The following SRD5A3 variants were observed in gnomAD, a reference collection of about 807,000 sequenced individuals.
SRD5A3 encodes the protein steroid 5 alpha-reductase 3.
A neutral mutation model predicts 34.3 loss-of-function variants in SRD5A3; 24 were observed. The ratio of observed to expected loss-of-function variants is 0.70; its 90% confidence interval spans 0.51 to 0.99. The LOEUF (loss-of-function observed/expected upper bound fraction) is 0.99, where lower values mean the gene tolerates loss of function less well. Ranked by LOEUF, SRD5A3 falls within the 50% of genes least tolerant of loss-of-function variation. The pLI, the probability that SRD5A3 is intolerant of heterozygous loss-of-function variation, is 0.00. For missense variants in SRD5A3, 350 were observed against 388.2 expected, an observed-to-expected ratio of 0.90 and a Z score of 0.83; for synonymous variants, 161 against 167.3, an observed-to-expected ratio of 0.96 and a Z score of 0.29.
rs760083639 is a variant in SRD5A3, at chr4:55,363,959, A to G, written c.365-115A>G. 2.8e-4 allele frequency: 311 copies of G among 1,095,180 alleles called. 1 individual carries two copies. The highest frequency in any genetic ancestry group is 4.1e-4 in the Non-Finnish European group (293 of 712,254). The allele number at this position is 1,095,180 out of a possible 1,614,324, so 67.8% of individuals were successfully genotyped here. Reference sequence around the variant, plus strand: ...TCATTTGGCCCATTTCTTCCTTACTACCAAAAAGAAAGATGTTAGATGGGA... The same window carrying G: ...TCATTTGGCCCATTTCTTCCTTACTGCCAAAAAGAAAGATGTTAGATGGGA... On this transcript the variant is annotated intron_variant, in intron 2 of 4. Coordinates refer to ENST00000264228, the MANE Select transcript of SRD5A3 (RefSeq NM_024592.5).
intron 1 of SRD5A3, among the ~76,000 whole-genome samples, chr4:55,349,178 G>T (rs1453218588): frequency 6.6e-6 from 1 of 152,134 alleles, no homozygotes. Flanking sequence ...GGGACTAGAG[G>T]TGCACACCAC....
At chr4:55,363,248 C>T (rs888357492) in intron 2 of SRD5A3, among the ~76,000 whole-genome samples, 10 of 151,918 alleles carry the variant, frequency 6.6e-5, no homozygotes, top group South Asian at 4.2e-4. Flanking sequence ...GCCCGGAGTT[C>T]GAGACCAGCC....
intron 1 of SRD5A3, among the ~76,000 whole-genome samples, chr4:55,353,508 C>G (rs761133434): frequency 8.5e-5 from 13 of 152,192 alleles, no homozygotes; most frequent in Non-Finnish European, 1.6e-4. Flanking sequence ...AAGCTGGCCA[C>G]CCGAGCCAGC....
rs1008855109 is a variant in SRD5A3 at position 55,360,379 on chromosome 4, G to A, written c.364+891G>A. ...AAAATAGCTGGGTGTGGTGGCAGGC[G>A]CTTGTAATCCCAGCTACTCGGGAGG... On this transcript the variant is annotated intron_variant, in intron 2 of 4. Coordinates refer to ENST00000264228, the MANE Select transcript of SRD5A3 (RefSeq NM_024592.5). Among the ~76,000 whole-genome samples, 53 of 148,418 alleles carry A rather than the reference G, an allele frequency of 3.6e-4. No homozygotes were observed. In the Middle Eastern group the frequency reaches 0.011, roughly 31 times the overall value.
chr4:55,352,492 GA>G, intron 1 of SRD5A3: 1 of 609,966 alleles, frequency 1.6e-6, no homozygotes. Context: ...CCATGATGGA[GA>G]AATGGTGAGA....
At position 55,355,066 on chromosome 4, in the gene SRD5A3, G is replaced by T. The variant is rs144105106; in HGVS notation, c.222-4280G>T. 1.2e-3 allele frequency among the ~76,000 whole-genome samples: 179 copies of T among 152,350 alleles called. 1 individual carries two copies. Among genetic ancestry groups the T allele is most frequent in the African/African-American group, 4.0e-3 (166 of 41,578 alleles). On this transcript the variant is annotated intron_variant, in intron 1 of 4. Coordinates refer to ENST00000264228, the MANE Select transcript of SRD5A3 (RefSeq NM_024592.5). ...AGTGCCAAAGGAGGAAAAAAGGAGA[G>T]TGTCCAAAACAGAACGCAGTGAAGA...
At position 55,364,032 on chromosome 4, in the gene SRD5A3, C is replaced by T. The variant is rs975595993; in HGVS notation, c.365-42C>T. 1.9e-6 allele frequency: 3 copies of T among 1,603,310 alleles called. No homozygotes were observed. In the African/African-American group the frequency reaches 4.0e-5, roughly 21 times the overall value. On this transcript the variant is annotated intron_variant, in intron 2 of 4. Coordinates refer to ENST00000264228, the MANE Select transcript of SRD5A3 (RefSeq NM_024592.5). ...CAGAAAAACAAAACTTTGGATTAAT[C>T]CCAGAAGAGAAATGCTGACCCTGTT...
At position 55,346,335 on chromosome 4, in the gene SRD5A3, C is replaced by T. The variant is rs1403426866; in HGVS notation, c.-2C>T. The T allele has an allele frequency of 5.4e-6, 8 of 1,483,402 alleles. No individual in the cohort carries two copies. The highest frequency in any genetic ancestry group is 5.9e-5 in the East Asian group (2 of 33,990). 91.9% of individuals were successfully genotyped at this position (1,483,402 alleles called of 1,614,324 possible). The stretch of plus-strand genomic sequence containing the variant: ...GCAGCGCGGAAGGCGGGCACGCGGG[C>T]CATGGCTCCCTGGGCGGAGGCCGAG... On this transcript the variant is annotated 5_prime_UTR_variant, in exon 1 of 5. Transcript: ENST00000264228.
At chr4:55,362,191 G>T (rs1719711556) in intron 2 of SRD5A3, among the ~76,000 whole-genome samples, 2 of 150,616 alleles carry the variant, frequency 1.3e-5, no homozygotes, top group Non-Finnish European at 3.0e-5. Context: ...GCAGTGGCCT[G>T]ATCTCAGCTC....
At chr4:55,364,830 A>T (rs1244756626) in intron 3 of SRD5A3, 2 of 164,424 alleles carry the variant, frequency 1.2e-5, no homozygotes, top group African/African-American at 4.8e-5. Flanking sequence ...TTCCCATCAC[A>T]ATAGAGCTTT....
At chr4:55,347,326 T>C (rs1174832751) in intron 1 of SRD5A3, among the ~76,000 whole-genome samples, 1 of 152,222 alleles carries the variant, frequency 6.6e-6, no homozygotes, top group Non-Finnish European at 1.5e-5. Context: ...AATAGAACAG[T>C]GCCCCTTAAG....
At chr4:55,352,364 T>G in intron 1 of SRD5A3, 1 of 785,798 alleles carries the variant, frequency 1.3e-6, no homozygotes, top group East Asian at 2.4e-5. Flanking sequence ...GACTAAGCAT[T>G]CACTTCATGG....
At position 55,371,361 on chromosome 4, in the gene SRD5A3, T is replaced by C. The variant is rs1720121064; in HGVS notation, c.*1270T>C. ...AATTCAGAGGGAAATAAATGCATGG[T>C]ATAAAAGAAAACCAAAAACTTAAAA... is the stretch of plus-strand genomic sequence containing the variant. On this transcript the variant is annotated 3_prime_UTR_variant, in exon 5 of 5. Transcript: ENST00000264228. The C allele has an allele frequency of 6.6e-6, 1 of 152,204 alleles. No individual in the cohort carries two copies. Among genetic ancestry groups the C allele is most frequent in the Non-Finnish European group, 1.5e-5 (1 of 68,046 alleles). 9.4% of individuals were successfully genotyped at this position (152,204 alleles called of 1,614,324 possible).
chr4:55,355,999 C>CTTTTTTTTTTTTT (rs1578204604), intron 1 of SRD5A3, among the ~76,000 whole-genome samples: 1 of 65,920 alleles, frequency 1.5e-5, no homozygotes, highest in Non-Finnish European at 3.4e-5. Flanking sequence ...CTTTTGCCTC[C>CTTTTTTTTTTTTT]ATTTTTTTTT....
At chr4:55,347,681 C>T (rs1390305018) in intron 1 of SRD5A3, among the ~76,000 whole-genome samples, 4 of 152,094 alleles carry the variant, frequency 2.6e-5, no homozygotes, top group African/African-American at 9.7e-5. Context: ...GCTTGAAACA[C>T]TCATAGGCAG....
Position 55,371,400 on chromosome 4 carries a change from C to T in SRD5A3, c.*1309C>T, listed in dbSNP as rs894164391. The T allele has an allele frequency of 3.7e-4, 57 of 152,248 alleles. No individual in the cohort carries two copies. Among genetic ancestry groups the T allele is most frequent in the African/African-American group, 1.3e-3 (52 of 41,548 alleles). The allele number at this position is 152,248 out of a possible 1,614,324, so 9.4% of individuals were successfully genotyped here. ...AAAAACTTAAAAAATAATACTATAG[C>T]CTGAGCAACACATTAAAACTGCACA... On this transcript the variant is annotated 3_prime_UTR_variant, in exon 5 of 5. Coordinates refer to ENST00000264228, the MANE Select transcript of SRD5A3 (RefSeq NM_024592.5).
At chr4:55,359,574 C>T in intron 2 of SRD5A3, 86 bp downstream of exon 2, 2 of 1,564,322 alleles carry the variant, frequency 1.3e-6, no homozygotes, top group Non-Finnish European at 1.7e-6. Context: ...CATTTTGTCT[C>T]CTCTCTCGGC....
chr4:55,362,156 C>T (rs1719710550), intron 2 of SRD5A3, among the ~76,000 whole-genome samples: 1 of 151,176 alleles, frequency 6.6e-6, no homozygotes, highest in Admixed American at 6.6e-5. Context: ...GAGATGGAGC[C>T]TTGCTCTGTT....
intron 1 of SRD5A3, among the ~76,000 whole-genome samples, chr4:55,355,412 C>T (rs561019471): frequency 1.0e-4 from 15 of 150,660 alleles, no homozygotes; most frequent in Non-Finnish European, 1.9e-4. Flanking sequence ...GAACCAAGAT[C>T]GTGCCACTGC....
Sources: gnomAD v4.1 joint callset for allele counts (sites outside exome capture counted in the v4.1 genomes callset) on GRCh38, gnomAD v4.1.1 for gene constraint, MANE v1.5 for transcripts, NCBI Gene and HGNC (gene_info 2026-07-23, HGNC 2026-07-21) for gene names.